FURIN: variants seen among roughly 807,000 people sequenced by gnomAD.
The protein encoded by FURIN is FES upstream region.
Under a neutral mutation model 89.2 loss-of-function variants are expected in FURIN, and 18 were observed. The observed-to-expected ratio is 0.20, with a 90% confidence interval of 0.14 to 0.30. The LOEUF is 0.30. FURIN is among the 10% of genes least tolerant of loss of function. The probability of loss-of-function intolerance (pLI) is 1.00; values close to 1 mark genes in which losing one functional copy is unlikely to be tolerated. For synonymous variants in FURIN, 508 were observed against 466.4 expected, an observed-to-expected ratio of 1.09 and a Z score of -1.15; for missense variants, 879 against 1,100.5, an observed-to-expected ratio of 0.80 and a Z score of 2.85.
Position 90,876,799 on chromosome 15 carries a change from G to C in FURIN, c.373-97G>C. On this transcript the variant is annotated intron_variant, in intron 4 of 15. Coordinates refer to ENST00000268171, the MANE Select transcript of FURIN (RefSeq NM_002569.4). This position sits in a 1 kb window ranked among gnomAD's most constrained non-coding sequence, Gnocchi z 5.0. Reference sequence around the variant, plus strand: ...GCCTTTCAGGAGCAGGGATGGTACAGGAGGAGGTTTTACGGGGGCAAAGGG... The same window carrying C: ...GCCTTTCAGGAGCAGGGATGGTACACGAGGAGGTTTTACGGGGGCAAAGGG... 1.5e-6 allele frequency: 2 copies of C among 1,344,148 alleles called. No individual in the cohort carries two copies. The highest frequency in any genetic ancestry group is 2.5e-5 in the South Asian group (2 of 78,726). 83.3% of individuals were successfully genotyped at this position (1,344,148 alleles called of 1,614,324 possible). A position where few individuals can be genotyped will look rare whatever the true frequency, so the allele number is the denominator to read the frequency against.
At chr15:90,875,953 G>T in intron 2 of FURIN, 36 bp downstream of exon 2, 2 of 1,490,958 alleles carry the variant, frequency 1.3e-6, no homozygotes, top group Non-Finnish European at 1.8e-6. Context: ...CCAGGGGGTG[G>T]GACCAGAGAA....
Position 90,881,695 on chromosome 15 carries a change from G to A in FURIN, c.2202G>A (p.Leu734=), listed in dbSNP as rs765867837. ...FIVLVFVTVF[L]VLQLRSGFSF... ...TGCTGGTCTTCGTCACTGTCTTCCT[G>A]GTCCTGCAGCTGCGCTCTGGCTTTA... is the stretch of plus-strand genomic sequence containing the variant. Residue 734 remains leucine (L), a synonymous_variant, in exon 16 of 16, where the codon CTG becomes CTA. Transcript: ENST00000268171. This position sits in a 1 kb window ranked among gnomAD's most constrained non-coding sequence, Gnocchi z 4.3. The A allele has an allele frequency of 5.0e-6, 8 of 1,590,196 alleles. No homozygotes were observed. Among genetic ancestry groups the A allele is most frequent in the Middle Eastern group, 3.4e-4 (2 of 5,956 alleles).
At position 90,879,751 on chromosome 15, in the gene FURIN, C is replaced by T. The variant is rs774092258; in HGVS notation, c.1235C>T (p.Ala412Val). Residue 412 changes from alanine (A) to valine (V), a missense_variant, in exon 11 of 16, where the codon GCC becomes GTC. This residue lies in a region of FURIN where 156 missense variants were observed against 243.7 expected (regional missense o/e 0.64). Transcript: ENST00000268171. ...GCCCACCTCAATGCCAACGACTGGG[C>T]CACCAATGGTGTGGGCCGGAAAGGT... ...KPAHLNANDW[A>V]TNGVGRKVSH... 4.3e-6 allele frequency: 7 copies of T among 1,613,604 alleles called. No individual in the cohort carries two copies. The highest frequency in any genetic ancestry group is 4.0e-5 in the African/African-American group (3 of 74,962).
intron 5 of FURIN, 31 bp from the exon 6 acceptor site, chr15:90,877,104 C>G: frequency 6.2e-7 from 1 of 1,609,766 alleles, no homozygotes; most frequent in South Asian, 1.1e-5. Flanking sequence ...TGAGGTCAGC[C>G]TTCTCCTGAT....
rs765195561 is a variant in FURIN, at chr15:90,878,949, C to T, written c.1026C>T (p.Ser342=). The T allele has an allele frequency of 2.2e-5, 36 of 1,605,004 alleles. No homozygotes were observed. The South Asian group carries it at 4.0e-4, about 18-fold the overall frequency. The part of the protein sequence containing the change: ...ACSSTLATTY[S]SGNQNEKQIV... ...CGTCCACACTGGCCACGACCTACAGCAGTGGCAACCAGAATGAGAAGCAGA... is the reference window on the plus strand; with the variant it reads ...CGTCCACACTGGCCACGACCTACAGTAGTGGCAACCAGAATGAGAAGCAGA... The change falls in exon 9 of 16, where the codon AGC becomes AGT. Residue 342 remains serine, a synonymous_variant. Transcript: ENST00000268171.
intron 1 of FURIN, among the ~76,000 whole-genome samples, chr15:90,870,301 C>T (rs894173583): frequency 6.6e-6 from 1 of 152,176 alleles, no homozygotes; most frequent in Non-Finnish European, 1.5e-5. Flanking sequence ...CATGATTTAA[C>T]CTCTCTGGGC....
At chr15:90,878,334 G>T in intron 8 of FURIN, 30 bp downstream of exon 8, 4 of 1,534,270 alleles carry the variant, frequency 2.6e-6, no homozygotes, top group Non-Finnish European at 2.6e-6. Flanking sequence ...AGCCCCTGCG[G>T]GCAGGTTGGG....
intron 12 of FURIN, 48 bp downstream of exon 12, chr15:90,880,032 C>T (rs541030842): frequency 7.5e-5 from 120 of 1,603,622 alleles, no homozygotes; most frequent in South Asian, 1.9e-4. Context: ...ACCTGAGAGT[C>T]GCAGGGGGTG....
intron 1 of FURIN, among the ~76,000 whole-genome samples, chr15:90,872,162 C>G (rs1053121820): frequency 1.3e-5 from 2 of 151,464 alleles, no homozygotes; most frequent in Non-Finnish European, 1.5e-5. Flanking sequence ...GGCCTCGCCC[C>G]CGCCCGCACA....
At chr15:90,871,730 G>C (rs1458158164) in intron 1 of FURIN, 2 of 149,378 alleles carry the variant, frequency 1.3e-5, no homozygotes, top group African/African-American at 2.4e-5. Flanking sequence ...CGCGGCCCGG[G>C]TGCTCGGGCC....
chr15:90,878,681 C>A, intron 8 of FURIN, 83 bp from the exon 9 acceptor site: 1 of 793,984 alleles, frequency 1.3e-6, no homozygotes, highest in South Asian at 1.6e-5. Context: ...AGGCTCCAGC[C>A]TTCCCAGTTT....
Position 90,881,155 on chromosome 15 carries a change from G to T in FURIN, c.1792+115G>T, listed in dbSNP as rs894041154. The stretch of plus-strand genomic sequence containing the variant: ...TCTCAAGAGACCTAGGGCCCCTGGG[G>T]CTCTTGGGATGACCACAGTCCTGGG... On this transcript the variant is annotated intron_variant, in intron 15 of 15. Transcript: ENST00000268171. The surrounding 1 kb of genome is among the most constrained non-coding windows in gnomAD (Gnocchi z 4.3). The T allele has an allele frequency of 9.2e-7, 1 of 1,089,066 alleles. No homozygotes were observed. The highest frequency in any genetic ancestry group is 1.4e-6 in the Non-Finnish European group (1 of 731,694). 67.5% of individuals were successfully genotyped at this position (1,089,066 alleles called of 1,614,324 possible).
Position 90,877,044 on chromosome 15 carries a change from A to G in FURIN, c.501+20A>G. 1.9e-6 allele frequency: 3 copies of G among 1,613,946 alleles called. No homozygotes were observed. In the East Asian group the frequency reaches 6.7e-5, roughly 36 times the overall value. On this transcript the variant is annotated intron_variant, in intron 5 of 15. Coordinates refer to ENST00000268171, the MANE Select transcript of FURIN (RefSeq NM_002569.4). ...AATTATGTGAGGAAGTCGGGGAGGG[A>G]GGCCGTGATCCCTGCTGAGGTGTGT...
intron 1 of FURIN, among the ~76,000 whole-genome samples, chr15:90,870,659 C>A (rs1346822913): frequency 6.6e-6 from 1 of 152,208 alleles, no homozygotes; most frequent in South Asian, 2.1e-4. Flanking sequence ...CAGCGTCGGC[C>A]TCAGCCAAGT....
At chr15:90,871,751 G>A (rs1453413566) in intron 1 of FURIN, 1 of 148,958 alleles carries the variant, frequency 6.7e-6, no homozygotes, top group Non-Finnish European at 1.5e-5. Flanking sequence ...GGGGAGGGTC[G>A]GGGCACTGGC....
chr15:90,875,988 T>TG, intron 2 of FURIN, 71 bp downstream of exon 2: 3 of 1,320,918 alleles, frequency 2.3e-6, no homozygotes, highest in Non-Finnish European at 3.1e-6. Flanking sequence ...GAGCAGGAGC[T>TG]GTTGGCCTTG....
In FURIN at chr15:90,880,241, C is replaced by T. The variant is rs1478470289; in HGVS notation, c.1524C>T (p.Pro508=). The T allele has an allele frequency of 6.2e-7, 1 of 1,610,394 alleles. No homozygotes were observed. The highest frequency in any genetic ancestry group is 1.1e-5 in the South Asian group (1 of 90,880). Residue 508 remains proline, a synonymous_variant, in exon 13 of 16, where the codon CCC becomes CCT. Coordinates refer to ENST00000268171, the MANE Select transcript of FURIN (RefSeq NM_002569.4). ...ACCTGGCCATCCACCTGGTCAGCCC[C>T]ATGGGCACCCGCTCCACCCTGCTGG... ...RGDLAIHLVS[P]MGTRSTLLAA...
Position 90,875,631 on chromosome 15 carries a change from C to G in FURIN, c.-110C>G. The G allele has an allele frequency of 3.1e-6, 3 of 976,908 alleles. No homozygotes were observed. Among genetic ancestry groups the G allele is most frequent in the Non-Finnish European group, 4.4e-6 (3 of 679,124 alleles). 60.5% of individuals were successfully genotyped at this position (976,908 alleles called of 1,614,324 possible). On this transcript the variant is annotated 5_prime_UTR_variant, in exon 2 of 16. Transcript: ENST00000268171. The stretch of plus-strand genomic sequence containing the variant: ...GCCCTGCCCGTCTCGGCCCCATGCC[C>G]CCACCAGTCAGCCCCGGGCCACAGG...
intron 1 of FURIN, among the ~76,000 whole-genome samples, chr15:90,869,760 G>A (rs1482777536): frequency 6.6e-6 from 1 of 152,242 alleles, no homozygotes; most frequent in Non-Finnish European, 1.5e-5. Context: ...CCAGTCTCCA[G>A]GATGGGTGGG....
Sources: allele counts gnomAD v4.1 joint callset (sites outside exome capture counted in the v4.1 genomes callset), GRCh38; gene constraint gnomAD v4.1.1; regional missense constraint gnomAD v4.1.1; non-coding constraint Gnocchi (gnomAD v3.1); transcripts MANE v1.5; gene names NCBI Gene and HGNC (gene_info 2026-07-23, HGNC 2026-07-21).